The following ZNRF1 variants were observed in gnomAD, a reference collection of about 807,000 sequenced individuals.
ZNRF1 encodes the protein E3 ubiquitin-protein ligase ZNRF1.
In ZNRF1, 3 loss-of-function variants were observed where a neutral mutation model predicts 18.4. That is an observed-to-expected ratio of 0.16 (90% CI 0.07 to 0.42). ZNRF1 has a LOEUF of 0.42. Among genes scored for constraint, ZNRF1 ranks in the 10% least tolerant of loss-of-function variants. The pLI, the probability that ZNRF1 is intolerant of heterozygous loss-of-function variation, is 0.99. For synonymous variants in ZNRF1, 157 were observed against 144.2 expected (o/e 1.09, Z -0.64); for missense variants, 310 against 329.8 (o/e 0.94, Z 0.47).
chr16:75,076,000 G>T (rs1457081864), intron 1 of ZNRF1, among the ~76,000 whole-genome samples: 1 of 152,174 alleles, frequency 6.6e-6, no homozygotes, highest in South Asian at 2.1e-4. Context: ...GGACTCAGGA[G>T]AGAGGAAAAA....
At chr16:75,004,158 G>T (rs2034888748) in intron 1 of ZNRF1, among the ~76,000 whole-genome samples, 1 of 152,060 alleles carries the variant, frequency 6.6e-6, no homozygotes, top group Admixed American at 6.6e-5. Flanking sequence ...GTGGAGAGAG[G>T]TTTACAGCTG....
intron 1 of ZNRF1, among the ~76,000 whole-genome samples, chr16:75,011,773 T>C (rs1285863487): frequency 6.6e-6 from 1 of 152,228 alleles, no homozygotes; most frequent in African/African-American, 2.4e-5. Flanking sequence ...CTGTGTTTAA[T>C]TGATCCATTT....
At chr16:75,002,147 T>G (rs1391736903) in intron 1 of ZNRF1, 3 of 152,232 alleles carry the variant, frequency 2.0e-5, no homozygotes, top group South Asian at 2.1e-4. Context: ...CCCTCTGGGG[T>G]GTGGGTGGTA....
rs1378908948 is a variant in ZNRF1 at position 75,078,633 on chromosome 16, T to C, written c.425-14939T>C. 3.3e-5 allele frequency among the ~76,000 whole-genome samples: 5 copies of C among 152,196 alleles called. No individual in the cohort carries two copies. In the East Asian group the frequency reaches 7.7e-4, roughly 23 times the overall value. ...AATAAGTGGTATTTGTCAATATTTA[T>C]GTTTCTGATGCCAATATTCTGGGAA... On this transcript the variant is annotated intron_variant, in intron 1 of 4. Transcript: ENST00000335325.
chr16:75,088,136 T>A (rs1480254822), intron 1 of ZNRF1, among the ~76,000 whole-genome samples: 1 of 152,250 alleles, frequency 6.6e-6, no homozygotes, highest in Non-Finnish European at 1.5e-5. Context: ...ATTTCCTGGA[T>A]GTTTTAACCT....
At chr16:75,027,075 G>A (rs553819373) in intron 1 of ZNRF1, among the ~76,000 whole-genome samples, 485 of 152,044 alleles carry the variant, frequency 3.2e-3, no homozygotes, top group Non-Finnish European at 5.1e-3. Context: ...AAGACCCAGC[G>A]GTTAGGGAAC....
chr16:75,006,704 G>A (rs2034922555), intron 1 of ZNRF1, among the ~76,000 whole-genome samples: 1 of 152,200 alleles, frequency 6.6e-6, no homozygotes, highest in African/African-American at 2.4e-5. Context: ...CCAGAGTGCT[G>A]GCATTACAGG....
rs35291578 is a variant in ZNRF1, at chr16:75,059,229, CTTTTTTTTT to C, written c.425-34336_425-34328del. 5.1e-3 allele frequency among the ~76,000 whole-genome samples: 471 copies of C among 92,928 alleles called. 2 individuals carry two copies. Among genetic ancestry groups the C allele is most frequent in the Non-Finnish European group, 6.4e-3 (313 of 48,664 alleles). 61.0% of individuals were successfully genotyped at this position (92,928 alleles called of 152,430 possible). On this transcript the variant is annotated intron_variant, in intron 1 of 4. Transcript: ENST00000335325. ...TCCTTCCTTCTTTCCTTCTTTCTTTCTTTTTTTTTTTTTTTCTTTTTTTTTTTTTTTTTG... is the reference window on the plus strand; with the variant it reads ...TCCTTCCTTCTTTCCTTCTTTCTTTCTTTTTTCTTTTTTTTTTTTTTTTTG...
chr16:75,044,909 A>G (rs2035495305), intron 1 of ZNRF1, among the ~76,000 whole-genome samples: 1 of 152,228 alleles, frequency 6.6e-6, no homozygotes. Context: ...TCTGTCACCC[A>G]TGGGCCTATT....
intron 2 of ZNRF1, among the ~76,000 whole-genome samples, chr16:75,099,409 G>GCAT (rs1212825686): frequency 1.3e-5 from 2 of 152,102 alleles, no homozygotes; most frequent in African/African-American, 4.8e-5. Flanking sequence ...CCCATCACAG[G>GCAT]CATCATCCCT....
At chr16:75,030,672 A>G (rs1245619210) in intron 1 of ZNRF1, among the ~76,000 whole-genome samples, 5 of 152,092 alleles carry the variant, frequency 3.3e-5, no homozygotes. Context: ...CCCCTACCCA[A>G]GACAACCACT....
At chr16:75,089,478 A>G (rs533082264) in intron 1 of ZNRF1, among the ~76,000 whole-genome samples, 2 of 152,248 alleles carry the variant, frequency 1.3e-5, no homozygotes, top group South Asian at 2.1e-4. Flanking sequence ...GGTGTTACTA[A>G]CCCTGCTTTA....
rs982712054 is a variant in ZNRF1, at chr16:74,999,442, G to C, written c.-230G>C. ...CTTTGGACCTTGAGGGGAAACATGC[G>C]TTTGCCTTGGATCGTTTGAAATTCT... On this transcript the variant is annotated 5_prime_UTR_variant, in exon 1 of 5. Transcript: ENST00000335325. 2 of 384,494 alleles carry C rather than the reference G, an allele frequency of 5.2e-6. No homozygotes were observed. The highest frequency in any genetic ancestry group is 2.1e-5 in the African/African-American group (1 of 48,014). 23.8% of individuals were successfully genotyped at this position (384,494 alleles called of 1,614,324 possible). A position where few individuals can be genotyped will look rare whatever the true frequency, so the allele number is the denominator to read the frequency against.
chr16:75,025,787 G>T (rs879526836), intron 1 of ZNRF1, among the ~76,000 whole-genome samples: 8 of 149,568 alleles, frequency 5.3e-5, no homozygotes, highest in Non-Finnish European at 1.2e-4. Flanking sequence ...CTGATGGGAT[G>T]ATTGCTTCTG....
rs565486008 is a variant in ZNRF1 at position 75,108,121 on chromosome 16, A to G, written c.*421A>G. 154 of 201,664 alleles carry G rather than the reference A, an allele frequency of 7.6e-4. 2 individuals are homozygous for G. The South Asian group carries it at 9.7e-3, about 13-fold the overall frequency. 12.5% of individuals were successfully genotyped at this position (201,664 alleles called of 1,614,324 possible). On this transcript the variant is annotated 3_prime_UTR_variant, in exon 5 of 5. Transcript: ENST00000335325. ...CACTCAGTGACAGACGAACACAGCT[A>G]AGGCCTCGCTGCCAGCCTTCTGACG...
chr16:75,063,526 A>G (rs1162462913), intron 1 of ZNRF1, among the ~76,000 whole-genome samples: 1 of 152,176 alleles, frequency 6.6e-6, no homozygotes, highest in Admixed American at 6.5e-5. Flanking sequence ...TAGCTTTGGA[A>G]AAATATATGG....
chr16:75,043,748 G>T (rs959578509), intron 1 of ZNRF1, among the ~76,000 whole-genome samples: 1 of 148,868 alleles, frequency 6.7e-6, no homozygotes, highest in Admixed American at 6.8e-5. Context: ...GGTTTTCCAC[G>T]AAACCTGTTG....
chr16:75,097,166 G>A (rs1196265388), intron 2 of ZNRF1, among the ~76,000 whole-genome samples: 2 of 152,156 alleles, frequency 1.3e-5, no homozygotes, highest in Non-Finnish European at 2.9e-5. Flanking sequence ...CTGAGACTGA[G>A]GGACCTTGCC....
At chr16:75,019,975 T>A (rs1220621754) in intron 1 of ZNRF1, among the ~76,000 whole-genome samples, 1 of 152,246 alleles carries the variant, frequency 6.6e-6, no homozygotes, top group Non-Finnish European at 1.5e-5. Context: ...CCTCCCAAAG[T>A]GCTGGGATTA....
Sources: allele counts gnomAD v4.1 joint callset (sites outside exome capture counted in the v4.1 genomes callset), GRCh38; gene constraint gnomAD v4.1.1; transcripts MANE v1.5; gene names NCBI Gene and HGNC (gene_info 2026-07-23, HGNC 2026-07-21).